PCM1: variants seen among roughly 807,000 people sequenced by gnomAD.
PCM1 encodes the protein pericentriolar material 1 protein.
PCM1 carries 157 observed loss-of-function variants against 241.9 expected under a neutral mutation model. That is an observed-to-expected ratio of 0.65 (90% confidence interval 0.57 to 0.74). The LOEUF (loss-of-function observed/expected upper bound fraction) is 0.74. Ranked by LOEUF, PCM1 falls within the 30% of genes least tolerant of loss-of-function variation. The pLI is 0.00. For synonymous variants in PCM1, 1,085 were observed against 784.9 expected (o/e 1.38, Z -6.39); for missense variants, 3,478 against 2,360.1 (o/e 1.47, Z -9.81).
intron 2 of PCM1, chr8:17,934,750 C>T (rs749686678): frequency 1.3e-5 from 2 of 152,152 alleles, no homozygotes; most frequent in African/African-American, 4.8e-5. Flanking sequence ...AGTGGAAATC[C>T]AAAGTCTTCT....
chr8:18,018,984 C>G (rs1177352215), intron 36 of PCM1, among the ~76,000 whole-genome samples: 1 of 149,486 alleles, frequency 6.7e-6, no homozygotes, highest in African/African-American at 2.5e-5. Context: ...AATTGTCAAT[C>G]CAAGATTTCC....
At chr8:17,949,607 C>G (rs1040794540) in intron 7 of PCM1, among the ~76,000 whole-genome samples, 3 of 151,030 alleles carry the variant, frequency 2.0e-5, no homozygotes, top group Non-Finnish European at 2.9e-5. Context: ...AAGTGATTCT[C>G]TCACCCCAGC....
At chr8:17,977,957 A>G (rs2079334035) in intron 23 of PCM1, among the ~76,000 whole-genome samples, 1 of 152,210 alleles carries the variant, frequency 6.6e-6, no homozygotes, top group Non-Finnish European at 1.5e-5. Flanking sequence ...GGACCTAGTT[A>G]CCAGGGAGAA....
intron 30 of PCM1, among the ~76,000 whole-genome samples, chr8:18,007,380 C>G (rs887167607): frequency 5.9e-5 from 9 of 152,134 alleles, no homozygotes; most frequent in African/African-American, 1.9e-4. Flanking sequence ...TGTCCTGGCC[C>G]CGTTAGCAGT....
At chr8:17,948,354 G>T (rs1411216231) in intron 7 of PCM1, among the ~76,000 whole-genome samples, 27 of 141,252 alleles carry the variant, frequency 1.9e-4, no homozygotes, top group African/African-American at 5.4e-4. Flanking sequence ...GCCCAGGCTG[G>T]AGTGCAATGG....
In PCM1 at chr8:18,027,789, G is replaced by T; in HGVS notation, c.*127G>T. The T allele has an allele frequency of 1.8e-6, 1 of 557,642 alleles. No individual in the cohort carries two copies. The highest frequency in any genetic ancestry group is 3.1e-5 in the East Asian group (1 of 31,930). 34.5% of individuals were successfully genotyped at this position (557,642 alleles called of 1,614,324 possible). A position where few individuals can be genotyped will look rare whatever the true frequency, so the allele number is the denominator to read the frequency against. On this transcript the variant is annotated 3_prime_UTR_variant, in exon 39 of 39. Coordinates refer to ENST00000325083, the MANE Select transcript of PCM1 (RefSeq NM_006197.4). ...TTGACACTGCTTTTTTGATAGGTGT[G>T]GTCATTTCTCCCCATGGTAGTTTAA...
Position 18,011,649 on chromosome 8 carries a change from G to C in PCM1, c.5351-18G>C. On this transcript the variant is annotated intron_variant, in intron 33 of 38. Transcript: ENST00000325083. ...TATGTGCTGAAATTTACTAAAAATT[G>C]TGTATTAATCAACTTAGATTTGTCT... 6.3e-7 allele frequency: 1 copy of C among 1,583,058 alleles called. No individual in the cohort carries two copies. The highest frequency in any genetic ancestry group is 1.2e-5 in the South Asian group (1 of 85,976).
Position 18,011,223 on chromosome 8 carries a change from A to G in PCM1, c.5221-14A>G, listed in dbSNP as rs373458955. 4.7e-5 allele frequency: 75 copies of G among 1,581,080 alleles called. No individual in the cohort carries two copies. The highest frequency in any genetic ancestry group is 3.5e-4 in the South Asian group (30 of 85,144). On this transcript the variant is annotated splice_polypyrimidine_tract_variant and intron_variant, in intron 32 of 38. Transcript: ENST00000325083. Reference sequence around the variant, plus strand: ...ACTTTAAGGAATTAATTACTCAAATATTTTTGTGTCTAGGACAAGGATGAA... The same window carrying G: ...ACTTTAAGGAATTAATTACTCAAATGTTTTTGTGTCTAGGACAAGGATGAA...
At chr8:17,962,663 G>A (rs566990679) in intron 16 of PCM1, among the ~76,000 whole-genome samples, 3 of 152,170 alleles carry the variant, frequency 2.0e-5, no homozygotes, top group African/African-American at 7.2e-5. Context: ...CACTTTGGGA[G>A]GCTGAGGTGG....
In PCM1 at chr8:18,011,769, T is replaced by G; in HGVS notation, c.5453T>G (p.Val1818Gly). 1 of 1,613,808 alleles carries G rather than the reference T, an allele frequency of 6.2e-7. No individual in the cohort carries two copies. Among genetic ancestry groups the G allele is most frequent in the Non-Finnish European group, 8.5e-7 (1 of 1,179,818 alleles). The change falls in exon 34 of 39, where the codon GTC (valine) becomes GGC (glycine). Residue 1818 changes from valine (V) to glycine (G), a missense_variant. Val to Gly is a moderately radical substitution (Grantham distance 109). Transcript: ENST00000325083. ...GAATTTGAAGAAGGCCCTGTGGATGTCCAGACTTCCCTCCAGGCTAACACT... is the reference window on the plus strand; with the variant it reads ...GAATTTGAAGAAGGCCCTGTGGATGGCCAGACTTCCCTCCAGGCTAACACT... ...MEEFEEGPVD[V>G]QTSLQANTEA...
chr8:18,011,093 T>C, intron 32 of PCM1, 144 bp from the exon 33 acceptor site: 1 of 553,894 alleles, frequency 1.8e-6, no homozygotes. Context: ...GACACTTTTT[T>C]ATTTTAAAAA....
Position 17,983,181 on chromosome 8 carries a change from TTACTAC to T in PCM1, c.4109-2264_4109-2259del, listed in dbSNP as rs1307424108. 3 of 932,288 alleles carry T rather than the reference TTACTAC, an allele frequency of 3.2e-6. No homozygotes were observed. In the East Asian group the frequency reaches 1.4e-4, roughly 44 times the overall value. The allele number at this position is 932,288 out of a possible 1,614,324, so 57.8% of individuals were successfully genotyped here. A position where few individuals can be genotyped will look rare whatever the true frequency, so the allele number is the denominator to read the frequency against. Reference sequence around the variant, plus strand: ...CTTATTCATGTTATAGACCCTGTCTTTACTACTCATACACATTTTATGTTCATCCTT... The same window carrying T: ...CTTATTCATGTTATAGACCCTGTCTTTCATACACATTTTATGTTCATCCTT... On this transcript the variant is annotated intron_variant, in intron 24 of 38. Transcript: ENST00000325083.
At chr8:17,930,247 C>T (rs1374697381) in intron 2 of PCM1, among the ~76,000 whole-genome samples, 1 of 151,794 alleles carries the variant, frequency 6.6e-6, no homozygotes, top group Non-Finnish European at 1.5e-5. Flanking sequence ...ACTACAGGTG[C>T]CCGCCACCAC....
intron 24 of PCM1, among the ~76,000 whole-genome samples, chr8:17,984,959 T>C (rs2082126120): frequency 6.6e-6 from 1 of 151,930 alleles, no homozygotes; most frequent in Non-Finnish European, 1.5e-5. Flanking sequence ...ATTTGATAAT[T>C]AGTAGACTAT....
rs1484249164 is a variant in PCM1, at chr8:17,924,746, C to T, written c.-57C>T. The T allele has an allele frequency of 6.6e-6, 1 of 152,166 alleles. No individual in the cohort carries two copies. Among genetic ancestry groups the T allele is most frequent in the Non-Finnish European group, 1.5e-5 (1 of 68,036 alleles). The allele number at this position is 152,166 out of a possible 1,614,324, so 9.4% of individuals were successfully genotyped here. On this transcript the variant is annotated 5_prime_UTR_variant, in exon 2 of 39. Transcript: ENST00000325083. ...TTTGAAGTGTGGAGCGGGAAAGGAG[C>T]AGTTTCTGAGCTGCAAAAACTAGTT...
At position 17,962,188 on chromosome 8, in the gene PCM1, T is replaced by C; in HGVS notation, c.2463+14T>C. ...GTAGATAATGAGGTATTGTAAATTG[T>C]ACTCTCTTGTTCCTGAGTTAGTCTT... On this transcript the variant is annotated intron_variant, in intron 16 of 38. Coordinates refer to ENST00000325083, the MANE Select transcript of PCM1 (RefSeq NM_006197.4). 1.3e-6 allele frequency: 2 copies of C among 1,591,218 alleles called. No homozygotes were observed. Among genetic ancestry groups the C allele is most frequent in the Non-Finnish European group, 8.6e-7 (1 of 1,166,688 alleles).
At chr8:18,026,647 A>G (rs1362754088) in intron 38 of PCM1, among the ~76,000 whole-genome samples, 2 of 152,008 alleles carry the variant, frequency 1.3e-5, no homozygotes, top group Admixed American at 6.6e-5. Context: ...GATGCAGATA[A>G]TACCTCTTTT....
At chr8:18,023,287 G>A (rs1348633081) in intron 36 of PCM1, among the ~76,000 whole-genome samples, 1 of 152,204 alleles carries the variant, frequency 6.6e-6, no homozygotes, top group African/African-American at 2.4e-5. Context: ...TGTACATGAA[G>A]TGATCCCTTA....
In PCM1 at chr8:17,955,489, C is replaced by G. The variant is rs368336520; in HGVS notation, c.1308C>G (p.Val436=). 9 of 1,609,092 alleles carry G rather than the reference C, an allele frequency of 5.6e-6. No individual in the cohort carries two copies. The Admixed American group carries it at 6.8e-5, about 12-fold the overall frequency. ...CTTCAGCCTCTCCACAAAGGAGTGT[C>G]GATCAGAGAAGTACTTCAGCTCCCT... ...NNSSSSPQRS[V]DQRSTSAPSA... Residue 436 remains valine, a synonymous_variant, in exon 10 of 39, where the codon GTC becomes GTG. Transcript: ENST00000325083.
Sources: allele counts gnomAD v4.1 joint callset (sites outside exome capture counted in the v4.1 genomes callset), GRCh38; gene constraint gnomAD v4.1.1; transcripts MANE v1.5; gene names NCBI Gene and HGNC (gene_info 2026-07-23, HGNC 2026-07-21).